Variants in PPP1R14C observed in about 807,000 individuals in gnomAD.
The protein encoded by PPP1R14C is protein phosphatase 1 regulatory subunit 14C.
In PPP1R14C, 16 loss-of-function variants were observed where a neutral mutation model predicts 20.4. The observed-to-expected ratio is 0.78, with a 90% CI of 0.53 to 1.19. The LOEUF is 1.19. Among genes scored for constraint, PPP1R14C ranks in the 50% most tolerant of loss-of-function variants. The pLI is 0.00. For synonymous variants in PPP1R14C, 91 were observed against 91.0 expected (o/e 1.00, Z 0.00); for missense variants, 211 against 220.1 (o/e 0.96, Z 0.26).
At chr6:150,176,742 G>C (rs2114874872) in intron 1 of PPP1R14C, among the ~76,000 whole-genome samples, 1 of 152,286 alleles carries the variant, frequency 6.6e-6, no homozygotes, top group Middle Eastern at 3.4e-3. Context: ...AATGAGTGAG[G>C]CCCAGGTAAG....
At chr6:150,194,382 CT>C (rs2114890622) in intron 1 of PPP1R14C, 1 of 898,478 alleles carries the variant, frequency 1.1e-6, no homozygotes, top group South Asian at 5.1e-5. Context: ...ATTTATCTTT[CT>C]TTGGCAACCC....
chr6:150,233,218 G>A (rs182879135), intron 3 of PPP1R14C, among the ~76,000 whole-genome samples: 1 of 152,290 alleles, frequency 6.6e-6, no homozygotes, highest in Admixed American at 6.5e-5. Flanking sequence ...CAGGTGGTGG[G>A]TGGGAGTGCA....
intron 3 of PPP1R14C, among the ~76,000 whole-genome samples, chr6:150,240,685 A>C (rs1356325705): frequency 6.6e-6 from 1 of 152,190 alleles, no homozygotes; most frequent in Non-Finnish European, 1.5e-5. Context: ...GCAATGCAGA[A>C]AGTGAGGAGG....
chr6:150,195,155 A>C (rs4870368), intron 1 of PPP1R14C: 676,008 of 982,966 alleles, frequency 0.69, 234,956 homozygotes, highest in East Asian at 0.99. Flanking sequence ...TCAGAAAATG[A>C]GTTTTATGGT....
intron 3 of PPP1R14C, among the ~76,000 whole-genome samples, chr6:150,218,079 C>G (rs1778116900): frequency 6.6e-6 from 1 of 152,082 alleles, no homozygotes; most frequent in Non-Finnish European, 1.5e-5. Flanking sequence ...CAAGACCAAC[C>G]TGGTCAACAT....
chr6:150,153,449 T>C (rs1316511854), intron 1 of PPP1R14C, among the ~76,000 whole-genome samples: 1 of 152,244 alleles, frequency 6.6e-6, no homozygotes, highest in Non-Finnish European at 1.5e-5. Context: ...ACTGCCATTC[T>C]CTGTAATTTT....
At chr6:150,218,906 C>T (rs1778132826) in intron 3 of PPP1R14C, among the ~76,000 whole-genome samples, 1 of 152,200 alleles carries the variant, frequency 6.6e-6, no homozygotes, top group Non-Finnish European at 1.5e-5. Context: ...CCTGCTTCAG[C>T]CTCTCAAAGT....
chr6:150,180,905 A>G (rs924972426), intron 1 of PPP1R14C, among the ~76,000 whole-genome samples: 8 of 152,202 alleles, frequency 5.3e-5, no homozygotes, highest in Admixed American at 2.0e-4. Flanking sequence ...ACAAATCTGC[A>G]TAGTTGCTGG....
At chr6:150,234,772 C>T (rs1431013607) in intron 3 of PPP1R14C, among the ~76,000 whole-genome samples, 2 of 145,262 alleles carry the variant, frequency 1.4e-5, no homozygotes, top group African/African-American at 5.3e-5. Flanking sequence ...TCGCTTGAAC[C>T]TGGGAGGCAG....
At chr6:150,222,328 A>G (rs1778178581) in intron 3 of PPP1R14C, among the ~76,000 whole-genome samples, 1 of 152,202 alleles carries the variant, frequency 6.6e-6, no homozygotes, top group South Asian at 2.1e-4. Flanking sequence ...GAAATTGACT[A>G]GAAGGTACAG....
At chr6:150,156,024 C>CAAAAAAAAA (rs67908012) in intron 1 of PPP1R14C, among the ~76,000 whole-genome samples, 29 of 38,410 alleles carry the variant, frequency 7.6e-4, no homozygotes, top group Non-Finnish European at 8.9e-4. Flanking sequence ...GACTCTGTCT[C>CAAAAAAAAA]AAAAAAAAAA....
At chr6:150,244,738 T>C (rs960542401) in intron 3 of PPP1R14C, among the ~76,000 whole-genome samples, 1 of 152,230 alleles carries the variant, frequency 6.6e-6, no homozygotes, top group Admixed American at 6.5e-5. Context: ...ATAGTCCAGG[T>C]CTAGATCACT....
At chr6:150,188,482 C>CTTTTT (rs753993224) in intron 1 of PPP1R14C, among the ~76,000 whole-genome samples, 24 of 104,964 alleles carry the variant, frequency 2.3e-4, no homozygotes, top group African/African-American at 7.7e-4. Flanking sequence ...CAGGAATTAC[C>CTTTTT]TTTTTTTTTT....
intron 1 of PPP1R14C, 46 bp from the exon 2 acceptor site, chr6:150,214,697 GT>G (rs1410305158): frequency 4.1e-6 from 6 of 1,447,974 alleles, no homozygotes; most frequent in Non-Finnish European, 5.8e-6. Flanking sequence ...GTACAGTCAG[GT>G]TTCTTACTAA....
intron 3 of PPP1R14C, among the ~76,000 whole-genome samples, chr6:150,220,198 G>A (rs1245612422): frequency 7.9e-5 from 12 of 152,216 alleles, no homozygotes; most frequent in East Asian, 3.9e-4. Context: ...GAGTGACCAA[G>A]TTGCAAGCCA....
intron 1 of PPP1R14C, among the ~76,000 whole-genome samples, chr6:150,158,823 A>G (rs961492800): frequency 2.0e-5 from 3 of 152,214 alleles, no homozygotes; most frequent in African/African-American, 7.2e-5. Flanking sequence ...TGTTTTTTCC[A>G]TCTTCTTTTT....
intron 1 of PPP1R14C, among the ~76,000 whole-genome samples, chr6:150,174,416 C>T (rs942922361): frequency 1.0e-4 from 15 of 144,478 alleles, no homozygotes; most frequent in East Asian, 8.0e-4. Context: ...TGGGGTTTCA[C>T]CGTGTTAGCC....
chr6:150,172,104 G>A (rs1037053453), intron 1 of PPP1R14C, among the ~76,000 whole-genome samples: 25 of 152,166 alleles, frequency 1.6e-4, no homozygotes, highest in East Asian at 9.7e-4. Context: ...CACTGCACCC[G>A]GCCCAGAGTC....
chr6:150,249,021 A>G lies in PPP1R14C; in HGVS notation c.*201A>G, dbSNP rs562489165. 5.4e-5 allele frequency: 26 copies of G among 482,478 alleles called. No individual in the cohort carries two copies. Among genetic ancestry groups the G allele is most frequent in the African/African-American group, 4.1e-4 (21 of 50,732 alleles). 29.9% of individuals were successfully genotyped at this position (482,478 alleles called of 1,614,324 possible). ...TTTTTGGTTTTAAAGGTTTTTGTTA[A>G]TGTAATATTTTAATAGCAAAGATAT... On this transcript the variant is annotated 3_prime_UTR_variant, in exon 4 of 4. Coordinates refer to ENST00000361131, the MANE Select transcript of PPP1R14C (RefSeq NM_030949.3).
Sources: gnomAD v4.1 joint callset for allele counts (sites outside exome capture counted in the v4.1 genomes callset) on GRCh38, gnomAD v4.1.1 for gene constraint, MANE v1.5 for transcripts, NCBI Gene and HGNC (gene_info 2026-07-23, HGNC 2026-07-21) for gene names.